Variants in ABCD2 observed in about 807,000 individuals in gnomAD.
ABCD2 encodes the protein ATP binding cassette subfamily D member 2, also known as ATP-binding cassette sub-family D member 2.
Under a neutral mutation model 70.9 loss-of-function variants are expected in ABCD2, and 36 were observed. The observed-to-expected ratio is 0.51, with a 90% CI of 0.39 to 0.67. ABCD2 has a LOEUF of 0.67. Among genes scored for constraint, ABCD2 ranks in the 30% least tolerant of loss-of-function variants. The pLI is 0.00. For missense variants in ABCD2, 729 were observed against 890.2 expected (o/e 0.82, Z 2.30); for synonymous variants, 304 against 306.9 (o/e 0.99, Z 0.10).
At chr12:39,587,439 CAGCACCCCTTCCTGT>C (rs1437427258) in intron 6 of ABCD2, among the ~76,000 whole-genome samples, 1 of 152,152 alleles carries the variant, frequency 6.6e-6, no homozygotes, top group African/African-American at 2.4e-5. Context: ...TAGATGTCAG[CAGCACCCCTTCCTGT>C]AGTGAACAAA....
Position 39,559,378 on chromosome 12 carries a change from CAAA to C in ABCD2, c.2004-5250_2004-5248del, listed in dbSNP as rs199560381. On this transcript the variant is annotated intron_variant, in intron 9 of 9. Coordinates refer to ENST00000308666, the MANE Select transcript of ABCD2 (RefSeq NM_005164.4). The stretch of plus-strand genomic sequence containing the variant: ...GGTGACAAGAGTGAGACTCCAGCTC[CAAA>C]AAAAAAAAAAAAAAAAAAAAGGAAA... 8.3e-5 allele frequency among the ~76,000 whole-genome samples: 5 copies of C among 60,374 alleles called. No homozygotes were observed. In the South Asian group the frequency reaches 2.4e-3, roughly 29 times the overall value. The allele number at this position is 60,374 out of a possible 152,430, so 39.6% of individuals were successfully genotyped here. A position where few individuals can be genotyped will look rare whatever the true frequency, so the allele number is the denominator to read the frequency against.
the ABCD2 span, among the ~76,000 whole-genome samples, chr12:39,533,117 A>G: frequency 6.6e-6 from 1 of 152,078 alleles, no homozygotes; most frequent in Admixed American, 6.6e-5. Context: ...GTGAGCCGAG[A>G]TCGTGTCATT....
chr12:39,573,629 C>G lies in ABCD2; in HGVS notation c.2003+87G>C, dbSNP rs1201441745. 4 of 1,469,714 alleles carry G rather than the reference C, an allele frequency of 2.7e-6. No homozygotes were observed. In the Admixed American group the frequency reaches 7.8e-5, roughly 29 times the overall value. The allele number at this position is 1,469,714 out of a possible 1,614,324, so 91.0% of individuals were successfully genotyped here. A position where few individuals can be genotyped will look rare whatever the true frequency, so the allele number is the denominator to read the frequency against. Reference sequence around the variant, plus strand: ...GTAGAAAATAAGTGAAATACCCTACCCTCTACTGTGAAAAATTTAGCAAAG... The same window carrying G: ...GTAGAAAATAAGTGAAATACCCTACGCTCTACTGTGAAAAATTTAGCAAAG... On this transcript the variant is annotated intron_variant, in intron 9 of 9. Coordinates refer to ENST00000308666, the MANE Select transcript of ABCD2 (RefSeq NM_005164.4).
At chr12:39,580,323 T>C (rs1452409182) in intron 7 of ABCD2, among the ~76,000 whole-genome samples, 1 of 152,188 alleles carries the variant, frequency 6.6e-6, no homozygotes, top group Non-Finnish European at 1.5e-5. Flanking sequence ...AGTTTTTCCA[T>C]GCATGCTATC....
chr12:39,543,310 A>G, the ABCD2 span, among the ~76,000 whole-genome samples: 1 of 152,222 alleles, frequency 6.6e-6, no homozygotes, highest in African/African-American at 2.4e-5. Flanking sequence ...ACCCTTGGTC[A>G]TAGGTCATAG....
chr12:39,573,667 A>T, intron 9 of ABCD2, 49 bp downstream of exon 9: 1 of 1,573,896 alleles, frequency 6.4e-7, no homozygotes, highest in Non-Finnish European at 8.6e-7. Context: ...ATTTTTTGAG[A>T]AATTTAAGGA....
the ABCD2 span, among the ~76,000 whole-genome samples, chr12:39,531,573 T>C: frequency 6.6e-6 from 1 of 152,256 alleles, no homozygotes; most frequent in African/African-American, 2.4e-5. Context: ...GAGTTTTTAA[T>C]CTGCTCTCTC....
At chr12:39,574,866 A>G (rs1225073375) in intron 8 of ABCD2, among the ~76,000 whole-genome samples, 1 of 152,216 alleles carries the variant, frequency 6.6e-6, no homozygotes, top group Non-Finnish European at 1.5e-5. Context: ...GCTTATTAAT[A>G]GAATCCAGTT....
chr12:39,558,669 C>T (rs1209536711), intron 9 of ABCD2, among the ~76,000 whole-genome samples: 1 of 152,142 alleles, frequency 6.6e-6, no homozygotes, highest in East Asian at 1.9e-4. Flanking sequence ...TGCTTTGCTT[C>T]CCCCTCACCT....
Position 39,619,790 on chromosome 12 carries a change from A to T in ABCD2, c.-175T>A. 1.7e-6 allele frequency: 1 copy of T among 596,336 alleles called. No individual in the cohort carries two copies. The highest frequency in any genetic ancestry group is 2.9e-6 in the Non-Finnish European group (1 of 344,110). 36.9% of individuals were successfully genotyped at this position (596,336 alleles called of 1,614,324 possible). A position where few individuals can be genotyped will look rare whatever the true frequency, so the allele number is the denominator to read the frequency against. On this transcript the variant is annotated 5_prime_UTR_variant, in exon 1 of 10. Transcript: ENST00000308666. ...CTGTGACAGATGCAGCAGAGCTCAGACTCCGCTGCATCTACCGGGAATGAT... is the reference window on the plus strand; with the variant it reads ...CTGTGACAGATGCAGCAGAGCTCAGTCTCCGCTGCATCTACCGGGAATGAT...
chr12:39,576,966 T>C (rs754196877), intron 8 of ABCD2, among the ~76,000 whole-genome samples: 1 of 151,968 alleles, frequency 6.6e-6, no homozygotes, highest in African/African-American at 2.4e-5. Flanking sequence ...AGCACATAAT[T>C]ACATATGAAA....
At chr12:39,578,222 C>T (rs982166456) in intron 8 of ABCD2, among the ~76,000 whole-genome samples, 1 of 152,168 alleles carries the variant, frequency 6.6e-6, no homozygotes, top group East Asian at 1.9e-4. Flanking sequence ...CGCCTGTAAT[C>T]CCAGCACTTT....
chr12:39,576,655 A>G (rs1941521829), intron 8 of ABCD2, among the ~76,000 whole-genome samples: 1 of 152,232 alleles, frequency 6.6e-6, no homozygotes, highest in African/African-American at 2.4e-5. Flanking sequence ...TCCCAGCTAA[A>G]CACAAAAATA....
intron 9 of ABCD2, among the ~76,000 whole-genome samples, chr12:39,570,924 A>G (rs949460787): frequency 2.0e-5 from 3 of 152,204 alleles, no homozygotes; most frequent in African/African-American, 7.2e-5. Context: ...TGATTACAAA[A>G]TGGACAGAAG....
chr12:39,547,035 G>A (rs1050009063), downstream of ABCD2, among the ~76,000 whole-genome samples: 1 of 151,998 alleles, frequency 6.6e-6, no homozygotes, highest in African/African-American at 2.4e-5. Context: ...GCTAAGGCTT[G>A]AAAAGACATT....
Position 39,573,811 on chromosome 12 carries a change from G to C in ABCD2, c.1908C>G (p.Thr636=), listed in dbSNP as rs767490862. Residue 636 remains threonine, a synonymous_variant, in exon 9 of 10, where the codon ACC becomes ACG. Coordinates refer to ENST00000308666, the MANE Select transcript of ABCD2 (RefSeq NM_005164.4). ...CTTCGACATCAATGCTGACAGCACT[G>C]GTACATTCATCCAGCAAGGCATATT... ...KPKYALLDEC[T]SAVSIDVEGK... is the part of the protein sequence containing the mutation. The C allele has an allele frequency of 6.2e-7, 1 of 1,612,268 alleles. No individual in the cohort carries two copies.
rs142407351 is a variant in ABCD2, at chr12:39,618,725, C to T, written c.891G>A (p.Ser297=). 6.9e-5 allele frequency: 112 copies of T among 1,614,066 alleles called. No homozygotes were observed. Among genetic ancestry groups the T allele is most frequent in the African/African-American group, 2.3e-4 (17 of 74,932 alleles). ...HRKGYLRYVH[S]RIIANVEEIA... is the part of the protein sequence containing the mutation. Reference sequence around the variant, plus strand: ...TTTCTTCTACATTGGCTATAATTCTCGAGTGCACATACCGCAAATAGCCTT... The same window carrying T: ...TTTCTTCTACATTGGCTATAATTCTTGAGTGCACATACCGCAAATAGCCTT... Residue 297 remains serine (S), a synonymous_variant, in exon 1 of 10, where the codon TCG becomes TCA. Coordinates refer to ENST00000308666, the MANE Select transcript of ABCD2 (RefSeq NM_005164.4).
Position 39,610,986 on chromosome 12 carries a change from T to G in ABCD2, c.1121-3272A>C, listed in dbSNP as rs73268358. On this transcript the variant is annotated intron_variant, in intron 2 of 9. Coordinates refer to ENST00000308666, the MANE Select transcript of ABCD2 (RefSeq NM_005164.4). ...GTCAATACATTCTTTTTGTCCTCAC[T>G]GAATATTTTAGCTATTTTGTCAAAA... 4.5e-4 allele frequency among the ~76,000 whole-genome samples: 68 copies of G among 152,114 alleles called. 1 individual carries two copies. The highest frequency in any genetic ancestry group is 4.4e-3 in the Admixed American group (68 of 15,298).
chr12:39,568,031 C>A (rs1023148238), intron 9 of ABCD2, among the ~76,000 whole-genome samples: 1 of 151,690 alleles, frequency 6.6e-6, no homozygotes, highest in Non-Finnish European at 1.5e-5. Context: ...GTGGGTAACC[C>A]CACCTTTCTC....
Sources: allele counts gnomAD v4.1 joint callset (sites outside exome capture counted in the v4.1 genomes callset), GRCh38; gene constraint gnomAD v4.1.1; transcripts MANE v1.5; gene names NCBI Gene and HGNC (gene_info 2026-07-23, HGNC 2026-07-21).